The following NDUFAF2 variants were observed in gnomAD, a reference collection of about 807,000 sequenced individuals.
The protein encoded by NDUFAF2 is NADH:ubiquinone oxidoreductase complex assembly factor 2, also known as NADH dehydrogenase [ubiquinone] 1 alpha subcomplex assembly factor 2.
In NDUFAF2, 13 loss-of-function variants were observed where a neutral mutation model predicts 22.8. The ratio of observed to expected loss-of-function variants is 0.57; its 90% CI spans 0.37 to 0.91. The LOEUF (loss-of-function observed/expected upper bound fraction) is 0.91. NDUFAF2 is among the 40% of genes least tolerant of loss of function. NDUFAF2 has a pLI of 0.01. For synonymous variants in NDUFAF2, 53 were observed against 64.2 expected, an observed-to-expected ratio of 0.83 and a Z score of 0.84; for missense variants, 162 against 195.2, an observed-to-expected ratio of 0.83 and a Z score of 1.01.
At chr5:61,135,703 A>G (rs1740915644) in intron 3 of NDUFAF2, among the ~76,000 whole-genome samples, 1 of 152,018 alleles carries the variant, frequency 6.6e-6, no homozygotes, top group African/African-American at 2.4e-5. Context: ...CTCTGGATAT[A>G]ATTGCCAGTT....
intron 1 of NDUFAF2, among the ~76,000 whole-genome samples, chr5:61,040,846 T>G (rs1008529862): frequency 1.3e-5 from 2 of 152,186 alleles, no homozygotes; most frequent in African/African-American, 4.8e-5. Flanking sequence ...TGGGTTTCTA[T>G]AGTTAGCAAA....
At chr5:60,998,775 T>C (rs1249065246) in intron 1 of NDUFAF2, among the ~76,000 whole-genome samples, 1 of 151,346 alleles carries the variant, frequency 6.6e-6, no homozygotes, top group African/African-American at 2.4e-5. Context: ...ATGACCTAAC[T>C]GCATAAAAAT....
chr5:60,984,791 T>A (rs949778373), intron 1 of NDUFAF2, among the ~76,000 whole-genome samples: 2 of 152,166 alleles, frequency 1.3e-5, no homozygotes, highest in Non-Finnish European at 2.9e-5. Flanking sequence ...CTGGATTCGG[T>A]TTGCCAGTAT....
intron 1 of NDUFAF2, among the ~76,000 whole-genome samples, chr5:61,015,059 A>G (rs1751488282): frequency 6.6e-6 from 1 of 152,170 alleles, no homozygotes; most frequent in South Asian, 2.1e-4. Context: ...TTGAGACTAA[A>G]TTGAAGTCAA....
At chr5:61,074,083 G>GT (rs1376697208) in intron 2 of NDUFAF2, among the ~76,000 whole-genome samples, 1 of 152,184 alleles carries the variant, frequency 6.6e-6, no homozygotes, top group Admixed American at 6.5e-5. Context: ...ATGTATTTCT[G>GT]TTTTTTGCTT....
chr5:61,023,353 T>G (rs551466061), intron 1 of NDUFAF2, among the ~76,000 whole-genome samples: 1 of 152,280 alleles, frequency 6.6e-6, no homozygotes, highest in East Asian at 1.9e-4. Flanking sequence ...GGTTTAGTCA[T>G]TTTCAGATTC....
intron 1 of NDUFAF2, among the ~76,000 whole-genome samples, chr5:61,042,602 A>G (rs1425438352): frequency 6.6e-6 from 1 of 152,138 alleles, no homozygotes; most frequent in African/African-American, 2.4e-5. Flanking sequence ...TTTTTTTATT[A>G]TATACTATTT....
intron 3 of NDUFAF2, among the ~76,000 whole-genome samples, chr5:61,135,791 G>T (rs567108743): frequency 8.6e-5 from 13 of 151,792 alleles, no homozygotes; most frequent in Admixed American, 2.0e-4. Context: ...CGTGGGCAAG[G>T]CTACAGAATT....
intron 1 of NDUFAF2, among the ~76,000 whole-genome samples, chr5:61,068,208 A>G (rs1752254008): frequency 6.6e-6 from 1 of 152,122 alleles, no homozygotes; most frequent in African/African-American, 2.4e-5. Flanking sequence ...TATCTGATAC[A>G]TATCTTTAAT....
intron 2 of NDUFAF2, among the ~76,000 whole-genome samples, chr5:61,083,586 T>C (rs1266178329): frequency 6.6e-6 from 1 of 151,750 alleles, no homozygotes; most frequent in Non-Finnish European, 1.5e-5. Context: ...TGGCCATCCT[T>C]TCACCATGTT....
intron 1 of NDUFAF2, among the ~76,000 whole-genome samples, chr5:61,054,763 A>T (rs1419936066): frequency 1.3e-5 from 2 of 152,222 alleles, no homozygotes; most frequent in African/African-American, 4.8e-5. Context: ...TTCAGGGACT[A>T]GATGCTAAGC....
At chr5:61,065,341 A>G (rs1366854792) in intron 1 of NDUFAF2, among the ~76,000 whole-genome samples, 1 of 152,136 alleles carries the variant, frequency 6.6e-6, no homozygotes, top group Non-Finnish European at 1.5e-5. Flanking sequence ...AATACTTCTA[A>G]GCATATTTTA....
At chr5:60,984,713 T>C (rs1044742662) in intron 1 of NDUFAF2, among the ~76,000 whole-genome samples, 13 of 152,256 alleles carry the variant, frequency 8.5e-5, no homozygotes, top group African/African-American at 3.1e-4. Flanking sequence ...TTTTTGTATG[T>C]TGAACCAGCC....
chr5:61,018,779 A>T (rs558770987), intron 1 of NDUFAF2, among the ~76,000 whole-genome samples: 16 of 152,230 alleles, frequency 1.1e-4, no homozygotes, highest in Non-Finnish European at 1.8e-4. Flanking sequence ...AAAAACAGTG[A>T]CAGCAAAACT....
At chr5:61,060,115 T>C (rs1441707151) in intron 1 of NDUFAF2, among the ~76,000 whole-genome samples, 2 of 152,172 alleles carry the variant, frequency 1.3e-5, no homozygotes, top group East Asian at 1.9e-4. Context: ...CCTTTTTTTT[T>C]CTCATCTGTA....
At chr5:60,989,518 A>G (rs1751128868) in intron 1 of NDUFAF2, among the ~76,000 whole-genome samples, 1 of 152,198 alleles carries the variant, frequency 6.6e-6, no homozygotes, top group African/African-American at 2.4e-5. Flanking sequence ...TGAATGGCAG[A>G]CTGGGTAAAG....
At chr5:60,994,872 A>C (rs1751208423) in intron 1 of NDUFAF2, among the ~76,000 whole-genome samples, 2 of 151,642 alleles carry the variant, frequency 1.3e-5, no homozygotes, top group Admixed American at 6.6e-5. Flanking sequence ...GGCATACTTC[A>C]TTGTTTTTTA....
At chr5:60,988,631 C>T (rs936447890) in intron 1 of NDUFAF2, among the ~76,000 whole-genome samples, 2 of 152,102 alleles carry the variant, frequency 1.3e-5, no homozygotes, top group East Asian at 1.9e-4. Flanking sequence ...TGCCACACAC[C>T]TACAACCATC....
intron 1 of NDUFAF2, among the ~76,000 whole-genome samples, chr5:61,022,741 T>C (rs1157065064): frequency 6.6e-6 from 1 of 152,134 alleles, no homozygotes; most frequent in Non-Finnish European, 1.5e-5. Context: ...GCCTCCCAGG[T>C]TCAAGCGATT....
Sources: allele counts gnomAD v4.1 joint callset (sites outside exome capture counted in the v4.1 genomes callset), GRCh38; gene constraint gnomAD v4.1.1; transcripts MANE v1.5; gene names NCBI Gene and HGNC (gene_info 2026-07-23, HGNC 2026-07-21).